RPL13A: variants seen among roughly 807,000 people sequenced by gnomAD.
RPL13A encodes the protein ribosomal protein L13a.
A neutral mutation model predicts 30.8 loss-of-function variants in RPL13A; 4 were observed. That is an observed-to-expected ratio of 0.13 (90% CI 0.06 to 0.30). The LOEUF (loss-of-function observed/expected upper bound fraction) is 0.30, where lower values mean the gene tolerates loss of function less well. Among genes scored for constraint, RPL13A ranks in the 10% least tolerant of loss-of-function variants. The probability of loss-of-function intolerance (pLI) is 1.00; values close to 1 mark genes in which losing one functional copy is unlikely to be tolerated. For missense variants in RPL13A, 196 were observed against 272.6 expected (o/e 0.72, Z 1.98); for synonymous variants, 108 against 104.2 (o/e 1.04, Z -0.22).
rs569616137 is a variant in RPL13A at position 49,490,823 on chromosome 19, C to T, written c.301C>T (p.Arg101Cys). 1.1e-5 allele frequency: 17 copies of T among 1,614,022 alleles called. No homozygotes were observed. The South Asian group carries it at 1.3e-4, about 13-fold the overall frequency. The change falls in exon 5 of 8, where the codon CGT becomes TGT. Residue 101 changes from arginine (R) to cysteine (C), a missense_variant. Transcript: ENST00000391857. Reference sequence around the variant, plus strand: ...CAAGCGAGGCCAGGCCGCTCTGGACCGTCTCAAGGTGTTTGACGGCATCCC... The same window carrying T: ...CAAGCGAGGCCAGGCCGCTCTGGACTGTCTCAAGGTGTTTGACGGCATCCC... ...KTKRGQAALD[R>C]LKVFDGIPPP...
intron 1 of RPL13A, among the ~76,000 whole-genome samples, chr19:49,488,039 G>A (rs1488130899): frequency 6.6e-6 from 1 of 152,128 alleles, no homozygotes; most frequent in Non-Finnish European, 1.5e-5. Context: ...GAGAAACTGA[G>A]TTTTGGCCAA....
Position 49,490,590 on chromosome 19 carries a change from G to A in RPL13A, c.256+14G>A. 8 of 1,613,242 alleles carry A rather than the reference G, an allele frequency of 5.0e-6. No homozygotes were observed. Among genetic ancestry groups the A allele is most frequent in the Non-Finnish European group, 6.8e-6 (8 of 1,179,174 alleles). On this transcript the variant is annotated intron_variant, in intron 4 of 7. Coordinates refer to ENST00000391857, the MANE Select transcript of RPL13A (RefSeq NM_012423.4). ...GGACCGTGCGAGGTGAGCAGAGCGTGGGGACTGCAGGTGGTGACGGGCAGG... is the reference window on the plus strand; with the variant it reads ...GGACCGTGCGAGGTGAGCAGAGCGTAGGGACTGCAGGTGGTGACGGGCAGG...
In RPL13A at chr19:49,490,480, T is replaced by C. The variant is rs1242501406; in HGVS notation, c.160T>C (p.Tyr54His). The change falls in exon 4 of 8, where the codon TAC becomes CAC. Residue 54 changes from tyrosine to histidine, a missense_variant. Transcript: ENST00000391857. ...ACACTCTCCCCTCTCCCTAGTGAAGTACCTGGCTTTCCTCCGCAAGCGGAT... is the reference window on the plus strand; with the variant it reads ...ACACTCTCCCCTCTCCCTAGTGAAGCACCTGGCTTTCCTCCGCAAGCGGAT... ...SGNFYRNKLK[Y>H]LAFLRKRMNT... 6.2e-7 allele frequency: 1 copy of C among 1,614,188 alleles called. No individual in the cohort carries two copies. Among genetic ancestry groups the C allele is most frequent in the Non-Finnish European group, 8.5e-7 (1 of 1,180,016 alleles).
chr19:49,487,635 G>C lies in RPL13A; in HGVS notation c.6G>C (p.Ala2=). The change falls in exon 1 of 8, where the codon GCG becomes GCC. Residue 2 remains alanine (A), a synonymous_variant. Coordinates refer to ENST00000391857, the MANE Select transcript of RPL13A (RefSeq NM_012423.4). ...TTTCCAAGCGGCTGCCGAAGATGGCGGAGGTGCAGGTATGGGCTCCGCGCG... is the reference window on the plus strand; with the variant it reads ...TTTCCAAGCGGCTGCCGAAGATGGCCGAGGTGCAGGTATGGGCTCCGCGCG... The part of the protein sequence containing the change: M[A]EVQVLVLDGR... 3 of 1,572,882 alleles carry C rather than the reference G, an allele frequency of 1.9e-6. No homozygotes were observed. The highest frequency in any genetic ancestry group is 2.6e-6 in the Non-Finnish European group (3 of 1,160,216).
intron 1 of RPL13A, 71 bp from the exon 2 acceptor site, chr19:49,489,779 G>A: frequency 8.0e-7 from 1 of 1,244,448 alleles, no homozygotes; most frequent in Non-Finnish European, 1.2e-6. Flanking sequence ...ACAAAAGAAG[G>A]GAATGCTTGC....
chr19:49,489,805 A>G, intron 1 of RPL13A, 45 bp from the exon 2 acceptor site: 1 of 1,450,412 alleles, frequency 6.9e-7, no homozygotes, highest in African/African-American at 1.4e-5. Flanking sequence ...AGGACAATCA[A>G]AGGCTGTCCT....
chr19:49,490,372 C>CGT, intron 3 of RPL13A, 75 bp downstream of exon 3: 1 of 1,589,274 alleles, frequency 6.3e-7, no homozygotes, highest in South Asian at 1.1e-5. Context: ...CAATTGCAGC[C>CGT]GTGTTGGGAG....
rs1305081662 is a variant in RPL13A at position 49,487,614 on chromosome 19, C to T, written c.-16C>T. On this transcript the variant is annotated 5_prime_UTR_variant, in exon 1 of 8. Transcript: ENST00000391857. ...CCTGCGACAAAACCTCCTCCTTTTC[C>T]AAGCGGCTGCCGAAGATGGCGGAGG... The T allele has an allele frequency of 3.2e-6, 5 of 1,576,158 alleles. No homozygotes were observed. Among genetic ancestry groups the T allele is most frequent in the Non-Finnish European group, 3.4e-6 (4 of 1,161,842 alleles).
intron 1 of RPL13A, 40 bp from the exon 2 acceptor site, chr19:49,489,810 T>G (rs1034322137): frequency 6.7e-7 from 1 of 1,495,062 alleles, no homozygotes; most frequent in South Asian, 1.1e-5. Flanking sequence ...AATCAAAGGC[T>G]GTCCTTGTCT....
In RPL13A at chr19:49,490,523, G is replaced by T. The variant is rs764899789; in HGVS notation, c.203G>T (p.Arg68Leu). Residue 68 changes from arginine to leucine, a missense_variant, in exon 4 of 8, where the codon CGA (arginine) becomes CTA (leucine). Physicochemically the swap from Arg to Leu is moderately radical, Grantham distance 102 (BLOSUM62 -2). Transcript: ENST00000391857. ...AAGCGGATGAACACCAACCCTTCCCGAGGCCCCTACCACTTCCGGGCCCCC... is the reference window on the plus strand; with the variant it reads ...AAGCGGATGAACACCAACCCTTCCCTAGGCCCCTACCACTTCCGGGCCCCC... ...LRKRMNTNPS[R>L]GPYHFRAPSR... The T allele has an allele frequency of 6.2e-7, 1 of 1,614,108 alleles. No homozygotes were observed. Among genetic ancestry groups the T allele is most frequent in the African/African-American group, 1.3e-5 (1 of 75,034 alleles).
At chr19:49,491,006 C>A in intron 5 of RPL13A, 34 bp from the exon 6 acceptor site, 1 of 1,613,628 alleles carries the variant, frequency 6.2e-7, no homozygotes, top group Non-Finnish European at 8.5e-7. Context: ...GTCTGTCCCT[C>A]CCGGGCTCTT....
Position 49,492,041 on chromosome 19 carries a change from A to G in RPL13A, c.*226A>G, listed in dbSNP as rs372002774. On this transcript the variant is annotated 3_prime_UTR_variant, in exon 8 of 8. Coordinates refer to ENST00000391857, the MANE Select transcript of RPL13A (RefSeq NM_012423.4). ...TTATCTATGACCAATAGGAAGAGCA[A>G]CCAGTTACTATGAGTGAAAGGGAGC... is the stretch of plus-strand genomic sequence containing the variant. 1 of 511,644 alleles carries G rather than the reference A, an allele frequency of 2.0e-6. No homozygotes were observed. Among genetic ancestry groups the G allele is most frequent in the East Asian group, 3.5e-5 (1 of 28,818 alleles). The allele number at this position is 511,644 out of a possible 1,614,324, so 31.7% of individuals were successfully genotyped here.
intron 1 of RPL13A, among the ~76,000 whole-genome samples, chr19:49,489,476 C>T (rs900320581): frequency 2.0e-5 from 3 of 152,184 alleles, no homozygotes; most frequent in African/African-American, 7.2e-5. Context: ...GACCCTGTCT[C>T]AAAACCAAAT....
rs1023735612 is a variant in RPL13A, at chr19:49,491,318, C to T, written c.403-107C>T. The T allele has an allele frequency of 6.6e-6, 8 of 1,206,278 alleles. No individual in the cohort carries two copies. In the East Asian group the frequency reaches 1.6e-4, roughly 24 times the overall value. 74.7% of individuals were successfully genotyped at this position (1,206,278 alleles called of 1,614,324 possible). ...GAGAACAGTTGCATTATGATATGCC[C>T]AGCTGTCAGTCACCTCCCAGCTCTC... is the stretch of plus-strand genomic sequence containing the variant. On this transcript the variant is annotated intron_variant, in intron 6 of 7. Coordinates refer to ENST00000391857, the MANE Select transcript of RPL13A (RefSeq NM_012423.4).
At chr19:49,488,729 G>GGAGTCTCGCTGTGACACC (rs1270814780) in intron 1 of RPL13A, among the ~76,000 whole-genome samples, 8 of 152,168 alleles carry the variant, frequency 5.3e-5, no homozygotes, top group Non-Finnish European at 7.3e-5. Context: ...TTTCTGAGAC[G>GGAGTCTCGCTGTGACACC]GAGTCTCGCT....
chr19:49,489,334 A>G (rs909580448), intron 1 of RPL13A, among the ~76,000 whole-genome samples: 2 of 150,582 alleles, frequency 1.3e-5, no homozygotes, highest in African/African-American at 4.9e-5. Context: ...TGACTCAACA[A>G]AAAAAAAAGT....
At chr19:49,490,728 G>C (rs768615386) in intron 4 of RPL13A, 51 bp from the exon 5 acceptor site, 1 of 1,605,868 alleles carries the variant, frequency 6.2e-7, no homozygotes, top group Non-Finnish European at 8.5e-7. Flanking sequence ...TGGGGTGGGT[G>C]GGCATCCTTA....
chr19:49,488,152 G>T (rs559816603), intron 1 of RPL13A, among the ~76,000 whole-genome samples: 1 of 152,316 alleles, frequency 6.6e-6, no homozygotes, highest in Non-Finnish European at 1.5e-5. Flanking sequence ...AATTCTCAAT[G>T]CCTTTCTGCG....
Position 49,489,879 on chromosome 19 carries a change from C to G in RPL13A, c.45C>G (p.Leu15=). ...QVLVLDGRGH[L]LGRLAAIVAK... is the part of the protein sequence containing the mutation. ...TGGTGCTTGATGGTCGAGGCCATCTCCTGGGCCGCCTGGCGGCCATCGTGG... is the reference window on the plus strand; with the variant it reads ...TGGTGCTTGATGGTCGAGGCCATCTGCTGGGCCGCCTGGCGGCCATCGTGG... Residue 15 remains leucine, a synonymous_variant, in exon 2 of 8, where the codon CTC becomes CTG. Transcript: ENST00000391857. 6.2e-7 allele frequency: 1 copy of G among 1,614,202 alleles called. No individual in the cohort carries two copies.
Sources: gnomAD v4.1 joint callset for allele counts (sites outside exome capture counted in the v4.1 genomes callset) on GRCh38, gnomAD v4.1.1 for gene constraint, MANE v1.5 for transcripts, NCBI Gene and HGNC (gene_info 2026-07-23, HGNC 2026-07-21) for gene names.